NHSL1: variants seen among roughly 807,000 people sequenced by gnomAD.
NHSL1 encodes the protein NHS like 1, also known as NHS-like protein 1.
Under a neutral mutation model 95.0 loss-of-function variants are expected in NHSL1, and 48 were observed. That is an observed-to-expected ratio of 0.51 (90% confidence interval 0.40 to 0.64). The LOEUF is 0.64. Ranked by LOEUF, NHSL1 falls within the 30% of genes least tolerant of loss-of-function variation. The pLI, the probability that NHSL1 is intolerant of heterozygous loss-of-function variation, is 0.00. For missense variants in NHSL1, 1,971 were observed against 2,077.7 expected, an observed-to-expected ratio of 0.95 and a Z score of 1.00; for synonymous variants, 783 against 833.9, an observed-to-expected ratio of 0.94 and a Z score of 1.05.
At chr6:138,583,377 T>C (rs1198913952) in intron 1 of NHSL1, among the ~76,000 whole-genome samples, 1 of 152,194 alleles carries the variant, frequency 6.6e-6, no homozygotes, top group Admixed American at 6.5e-5. Context: ...TGAATATTTC[T>C]GAATCTCATC....
chr6:138,464,136 T>A (rs1778186437), intron 3 of NHSL1: 2 of 562,786 alleles, frequency 3.6e-6, no homozygotes, highest in Non-Finnish European at 6.5e-6. Context: ...TGGTCCTCGA[T>A]CTCACTCCGT....
chr6:138,570,607 CA>C (rs1002147022), intron 1 of NHSL1, among the ~76,000 whole-genome samples: 1 of 152,174 alleles, frequency 6.6e-6, no homozygotes, highest in Non-Finnish European at 1.5e-5. Context: ...CAGACAAGAA[CA>C]AATAGTTTAC....
At chr6:138,631,254 T>C (rs1206236167) in intron 1 of NHSL1, among the ~76,000 whole-genome samples, 2 of 152,176 alleles carry the variant, frequency 1.3e-5, no homozygotes, top group Non-Finnish European at 2.9e-5. Flanking sequence ...TAAAGTGCTC[T>C]GGGGCTCACC....
intron 5 of NHSL1, among the ~76,000 whole-genome samples, chr6:138,439,430 G>A (rs1302152775): frequency 6.6e-6 from 1 of 152,136 alleles, no homozygotes; most frequent in East Asian, 1.9e-4. Flanking sequence ...TCATTACCTA[G>A]ATATACTACC....
upstream of NHSL1, among the ~76,000 whole-genome samples, chr6:138,548,600 ATAGT>A (rs767339279): frequency 1.2e-4 from 19 of 152,344 alleles, no homozygotes; most frequent in African/African-American, 2.2e-4. Flanking sequence ...GGATGCCCTA[ATAGT>A]TAGTCTCACA....
At chr6:138,610,349 T>A (rs1321884905) in intron 1 of NHSL1, among the ~76,000 whole-genome samples, 2 of 151,672 alleles carry the variant, frequency 1.3e-5, no homozygotes, top group Admixed American at 6.6e-5. Flanking sequence ...ATGAGAACAC[T>A]TGGACACAGG....
chr6:138,556,400 TATTGTC>T (rs1477455773), intron 1 of NHSL1, among the ~76,000 whole-genome samples: 8 of 152,138 alleles, frequency 5.3e-5, no homozygotes, highest in African/African-American at 7.2e-5. Context: ...CTGTCATTGT[TATTGTC>T]ATTGTCATTG....
intron 1 of NHSL1, among the ~76,000 whole-genome samples, chr6:138,523,534 C>T (rs1781769111): frequency 6.7e-6 from 1 of 150,336 alleles, no homozygotes; most frequent in African/African-American, 2.4e-5. Context: ...GTCTCAAACT[C>T]CTGGACTCAA....
chr6:138,430,869 G>A lies in NHSL1; in HGVS notation c.3476C>T (p.Pro1159Leu). ...DHGSAAERGG[P>L]VSRSPGAPSA... is the part of the protein sequence containing the mutation. ...TGGAGCTCCAGGGCTGCGGCTCACA[G>A]GGCCACCACGCTCAGCCGCACTGCC... The change falls in exon 6 of 8, where the codon CCT becomes CTT. Residue 1159 changes from proline (P) to leucine (L), a missense_variant. Transcript: ENST00000343505. This position sits in a 1 kb window ranked among gnomAD's most constrained non-coding sequence, Gnocchi z 4.7. 6.4e-7 allele frequency: 1 copy of A among 1,551,194 alleles called. No homozygotes were observed. The highest frequency in any genetic ancestry group is 8.7e-7 in the Non-Finnish European group (1 of 1,146,846).
rs533611824 is a variant in NHSL1, at chr6:138,680,763, C to T, written c.96+11713G>A. 5.9e-5 allele frequency among the ~76,000 whole-genome samples: 9 copies of T among 152,158 alleles called. No homozygotes were observed. The South Asian group carries it at 1.7e-3, about 28-fold the overall frequency. ...TCCCAATCAGCTGGGACCACAGGCGCGAGCCACCACGCCTGGTTAATTTTT... is the reference window on the plus strand; with the variant it reads ...TCCCAATCAGCTGGGACCACAGGCGTGAGCCACCACGCCTGGTTAATTTTT... On this transcript the variant is annotated intron_variant, in intron 1 of 3. Transcript: ENST00000491526.
At chr6:138,611,639 G>A (rs575736995) in intron 1 of NHSL1, among the ~76,000 whole-genome samples, 11 of 152,106 alleles carry the variant, frequency 7.2e-5, no homozygotes, top group Admixed American at 3.3e-4. Flanking sequence ...CCAGCCACTC[G>A]GGAGGCTGAG....
upstream of NHSL1, among the ~76,000 whole-genome samples, chr6:138,693,066 C>T (rs983895664): frequency 6.6e-6 from 1 of 151,466 alleles, no homozygotes; most frequent in African/African-American, 2.4e-5. The surrounding 1 kb of genome is among the most constrained non-coding windows in gnomAD (Gnocchi z 4.3). Flanking sequence ...GAGGAAGTTC[C>T]AGGGGCAGCT....
At chr6:138,453,523 T>C (rs1213097154) in intron 3 of NHSL1, among the ~76,000 whole-genome samples, 6 of 151,432 alleles carry the variant, frequency 4.0e-5, no homozygotes, top group African/African-American at 7.3e-5. Context: ...CCTGGCTAAT[T>C]TATTTATTTT....
At chr6:138,517,078 C>T (rs1781490108) in intron 1 of NHSL1, among the ~76,000 whole-genome samples, 1 of 152,198 alleles carries the variant, frequency 6.6e-6, no homozygotes, top group Non-Finnish European at 1.5e-5. Context: ...AGTAAACAGT[C>T]TATCTTCTGC....
chr6:138,551,449 T>C (rs1440921998), intron 1 of NHSL1, among the ~76,000 whole-genome samples: 1 of 152,200 alleles, frequency 6.6e-6, no homozygotes, highest in East Asian at 1.9e-4. Flanking sequence ...CTGACACTTT[T>C]AAGATGACAA....
At chr6:138,482,491 A>C (rs1779486941) in intron 2 of NHSL1, among the ~76,000 whole-genome samples, 1 of 151,202 alleles carries the variant, frequency 6.6e-6, no homozygotes, top group African/African-American at 2.4e-5. Context: ...ATCTAGACTT[A>C]TACCACCAGA....
chr6:138,606,258 C>T (rs1784432301), intron 1 of NHSL1, among the ~76,000 whole-genome samples: 1 of 152,130 alleles, frequency 6.6e-6, no homozygotes, highest in South Asian at 2.1e-4. Context: ...TACTTCATTC[C>T]CCACAGAGAA....
chr6:138,456,547 C>T (rs1052475952), intron 3 of NHSL1, among the ~76,000 whole-genome samples: 9 of 152,196 alleles, frequency 5.9e-5, no homozygotes, highest in African/African-American at 2.2e-4. Context: ...TAATACATCT[C>T]TTTAGGGGTG....
chr6:138,561,440 C>A (rs1201407216), intron 1 of NHSL1, among the ~76,000 whole-genome samples: 2 of 152,084 alleles, frequency 1.3e-5, no homozygotes, highest in Non-Finnish European at 2.9e-5. Context: ...CAGTCTTTTT[C>A]AAAAATAAGA....
Sources: allele counts gnomAD v4.1 joint callset (sites outside exome capture counted in the v4.1 genomes callset), GRCh38; gene constraint gnomAD v4.1.1; non-coding constraint Gnocchi (gnomAD v3.1); transcripts MANE v1.5; gene names NCBI Gene and HGNC (gene_info 2026-07-23, HGNC 2026-07-21).